GATB: variants seen among roughly 807,000 people sequenced by gnomAD.
The protein encoded by GATB is glutamyl-tRNA(Gln) amidotransferase subunit B, mitochondrial.
Under a neutral mutation model 62.3 loss-of-function variants are expected in GATB, and 39 were observed. The observed-to-expected ratio is 0.63, with a 90% CI of 0.48 to 0.82. GATB has a LOEUF of 0.82. Among genes scored for constraint, GATB ranks in the 40% least tolerant of loss-of-function variants. The pLI is 0.00. For synonymous variants in GATB, 276 were observed against 258.9 expected, an observed-to-expected ratio of 1.07 and a Z score of -0.63; for missense variants, 670 against 684.0, an observed-to-expected ratio of 0.98 and a Z score of 0.23.
rs753284274 is a variant in GATB, at chr4:151,708,055, C to T, written c.810G>A (p.Gly270=). ...CTTCCGTTCGAACGCCCAAAGGCTC[C>T]CCAGGGTGATGCACGGATATATTGG... ...VDANISVHHP[G]EPLGVRTEVK... The change falls in exon 6 of 13, where the codon GGG becomes GGA. Residue 270 remains glycine, a synonymous_variant. Coordinates refer to ENST00000263985, the MANE Select transcript of GATB (RefSeq NM_004564.3). The T allele has an allele frequency of 1.9e-6, 3 of 1,614,136 alleles. No homozygotes were observed. Among genetic ancestry groups the T allele is most frequent in the East Asian group, 2.2e-5 (1 of 44,878 alleles).
chr4:151,745,233 C>T (rs1055801781), intron 2 of GATB, among the ~76,000 whole-genome samples: 13 of 151,880 alleles, frequency 8.6e-5, no homozygotes, highest in Admixed American at 5.2e-4. Flanking sequence ...TATAAATGTA[C>T]GTATTTAAAG....
chr4:151,742,741 T>C (rs1394172726), intron 2 of GATB, among the ~76,000 whole-genome samples: 2 of 152,134 alleles, frequency 1.3e-5, no homozygotes, highest in Non-Finnish European at 2.9e-5. Flanking sequence ...TTTAAAGAGA[T>C]GCACTCTCAA....
intron 5 of GATB, among the ~76,000 whole-genome samples, chr4:151,709,899 T>C (rs918099385): frequency 1.1e-4 from 17 of 152,156 alleles, no homozygotes; most frequent in African/African-American, 4.1e-4. Flanking sequence ...CGACATAACC[T>C]GTATGTTCCC....
chr4:151,725,777 G>A (rs1739126084), intron 2 of GATB, among the ~76,000 whole-genome samples: 1 of 152,260 alleles, frequency 6.6e-6, no homozygotes, highest in African/African-American at 2.4e-5. Context: ...CCAGTCTCTA[G>A]GATCTATACT....
chr4:151,693,409 G>A (rs1355104351), intron 9 of GATB, among the ~76,000 whole-genome samples: 1 of 152,202 alleles, frequency 6.6e-6, no homozygotes, highest in East Asian at 1.9e-4. Context: ...GAGTGCTCCT[G>A]TGAACAGAAA....
chr4:151,691,257 T>C (rs1738359954), intron 9 of GATB, among the ~76,000 whole-genome samples: 1 of 152,276 alleles, frequency 6.6e-6, no homozygotes, highest in African/African-American at 2.4e-5. Flanking sequence ...CTACCCTACA[T>C]GCAATAGAAC....
intron 3 of GATB, among the ~76,000 whole-genome samples, chr4:151,718,722 T>C (rs1738964613): frequency 6.6e-6 from 1 of 152,240 alleles, no homozygotes; most frequent in African/African-American, 2.4e-5. Flanking sequence ...TTTTTCTGAA[T>C]CAGACCAAAC....
intron 5 of GATB, among the ~76,000 whole-genome samples, chr4:151,714,172 T>G (rs1395227754): frequency 1.3e-5 from 2 of 152,170 alleles, no homozygotes; most frequent in Admixed American, 6.5e-5. Flanking sequence ...GAACCTGGGC[T>G]AAGCTGGTCT....
chr4:151,738,239 C>A lies in GATB; in HGVS notation c.328-18701G>T, dbSNP rs370073304. Among the ~76,000 whole-genome samples the A allele has an allele frequency of 3.9e-5, 6 of 152,298 alleles. No homozygotes were observed. The East Asian group carries it at 7.7e-4, about 20-fold the overall frequency. Reference sequence around the variant, plus strand: ...GGAACCCATCTTTTGCATCAGCCAGCGTGACCTGGATGTGAGACGTGGAGT... The same window carrying A: ...GGAACCCATCTTTTGCATCAGCCAGAGTGACCTGGATGTGAGACGTGGAGT... On this transcript the variant is annotated intron_variant, in intron 2 of 12. Coordinates refer to ENST00000263985, the MANE Select transcript of GATB (RefSeq NM_004564.3).
intron 11 of GATB, chr4:151,676,156 G>GCAGTAAACTGTGCAGTAAA (rs1737996971): frequency 6.6e-6 from 1 of 152,176 alleles, no homozygotes; most frequent in South Asian, 2.1e-4. Flanking sequence ...ATAAAGCGGG[G>GCAGTAAACTGTGCAGTAAA]CCCAGTAAAC....
chr4:151,691,311 C>A (rs188883269), intron 9 of GATB, among the ~76,000 whole-genome samples: 1 of 152,230 alleles, frequency 6.6e-6, no homozygotes, highest in East Asian at 1.9e-4. Context: ...TGGCTGACTG[C>A]GACTCTAATT....
chr4:151,725,468 A>C (rs1357550582), intron 2 of GATB, among the ~76,000 whole-genome samples: 1 of 152,254 alleles, frequency 6.6e-6, no homozygotes, highest in Non-Finnish European at 1.5e-5. Context: ...TATTCAAAAA[A>C]ACAATGCCAC....
intron 1 of GATB, among the ~76,000 whole-genome samples, chr4:151,759,337 AT>A (rs769343754): frequency 2.6e-5 from 4 of 152,226 alleles, no homozygotes; most frequent in Non-Finnish European, 5.9e-5. Flanking sequence ...TCTTTCCCAC[AT>A]TATCTAGAAT....
intron 2 of GATB, chr4:151,723,867 C>T (rs1185392882): frequency 6.6e-6 from 1 of 152,146 alleles, no homozygotes; most frequent in Non-Finnish European, 1.5e-5. Flanking sequence ...GGGTGGCCAA[C>T]AAATTTTATG....
chr4:151,732,714 TAAA>T (rs371222321), intron 2 of GATB, among the ~76,000 whole-genome samples: 1 of 66,378 alleles, frequency 1.5e-5, no homozygotes, highest in Non-Finnish European at 3.3e-5. Context: ...GAATGATCAA[TAAA>T]AAAAAAAAAA....
intron 9 of GATB, 82 bp downstream of exon 9, chr4:151,701,247 C>T: frequency 8.6e-7 from 1 of 1,159,186 alleles, no homozygotes; most frequent in South Asian, 2.1e-5. Flanking sequence ...GAGCCCATGG[C>T]AGCCTGTGTG....
intron 10 of GATB, among the ~76,000 whole-genome samples, chr4:151,681,736 G>A (rs1738141891): frequency 6.6e-6 from 1 of 152,186 alleles, no homozygotes; most frequent in African/African-American, 2.4e-5. Context: ...CTTTATTTCT[G>A]CTCTGGAGGC....
chr4:151,679,594 C>T (rs898355457), intron 11 of GATB, among the ~76,000 whole-genome samples: 4 of 152,198 alleles, frequency 2.6e-5, no homozygotes, highest in Non-Finnish European at 4.4e-5. Context: ...ACTATTTCCC[C>T]AGGTTAGCGG....
At chr4:151,671,425 T>TA in intron 12 of GATB, 123 bp from the exon 13 acceptor site, 1 of 932,530 alleles carries the variant, frequency 1.1e-6, no homozygotes, top group East Asian at 2.5e-5. Context: ...GTATTAGACA[T>TA]AAAATGTAGA....
Sources: allele counts gnomAD v4.1 joint callset (sites outside exome capture counted in the v4.1 genomes callset), GRCh38; gene constraint gnomAD v4.1.1; transcripts MANE v1.5; gene names NCBI Gene and HGNC (gene_info 2026-07-23, HGNC 2026-07-21).